The following ENAH variants were observed in gnomAD, a reference collection of about 807,000 sequenced individuals.
ENAH encodes the protein ENAH actin regulator.
A neutral mutation model predicts 78.7 loss-of-function variants in ENAH; 23 were observed. That is an observed-to-expected ratio of 0.29 (90% CI 0.21 to 0.41). The LOEUF (loss-of-function observed/expected upper bound fraction) is 0.41. Ranked by LOEUF, ENAH falls within the 10% of genes least tolerant of loss-of-function variation. ENAH has a pLI of 1.00. For synonymous variants in ENAH, 226 were observed against 241.0 expected, an observed-to-expected ratio of 0.94 and a Z score of 0.58; for missense variants, 544 against 691.0, an observed-to-expected ratio of 0.79 and a Z score of 2.39.
chr1:225,609,653 T>C (rs951023856), intron 1 of ENAH, among the ~76,000 whole-genome samples: 10 of 135,384 alleles, frequency 7.4e-5, no homozygotes, highest in Admixed American at 2.3e-4. Flanking sequence ...AAGGGAAAAA[T>C]GGATTTTTTT....
intron 4 of ENAH, among the ~76,000 whole-genome samples, chr1:225,520,294 CAAA>C (rs534721683): frequency 2.0e-5 from 2 of 99,272 alleles, no homozygotes. Flanking sequence ...GACTCCACCT[CAAA>C]AAAAAAAAAA....
At chr1:225,548,579 T>C (rs1430400712) in intron 3 of ENAH, among the ~76,000 whole-genome samples, 1 of 152,228 alleles carries the variant, frequency 6.6e-6, no homozygotes, top group Admixed American at 6.5e-5. Flanking sequence ...TAAAAATAAA[T>C]GGCCTGAAGG....
intron 1 of ENAH, among the ~76,000 whole-genome samples, chr1:225,641,499 T>TA (rs956911959): frequency 6.2e-5 from 9 of 145,220 alleles, no homozygotes; most frequent in South Asian, 2.2e-4. Flanking sequence ...AGTTTTTAAT[T>TA]AAAAAAAACC....
intron 1 of ENAH, among the ~76,000 whole-genome samples, chr1:225,638,087 GAATT>G (rs1364255123): frequency 6.6e-6 from 1 of 152,140 alleles, no homozygotes; most frequent in Non-Finnish European, 1.5e-5. Flanking sequence ...ACAAGGCAAT[GAATT>G]ATTAATCCCA....
chr1:225,556,998 T>A (rs1323337592), intron 2 of ENAH, among the ~76,000 whole-genome samples: 1 of 152,204 alleles, frequency 6.6e-6, no homozygotes, highest in Non-Finnish European at 1.5e-5. Flanking sequence ...TACAGATCAA[T>A]ATGCCTTTTT....
chr1:225,581,463 C>G (rs1184626246), intron 1 of ENAH, among the ~76,000 whole-genome samples: 2 of 152,072 alleles, frequency 1.3e-5, no homozygotes, highest in Admixed American at 1.3e-4. Context: ...GTGAGCCACA[C>G]TGACTTCTTA....
chr1:225,502,029 T>C (rs143152797), intron 11 of ENAH, among the ~76,000 whole-genome samples: 52 of 152,244 alleles, frequency 3.4e-4, no homozygotes, highest in African/African-American at 1.3e-3. Context: ...TTTAAAACCA[T>C]CAGGCAAATC....
chr1:225,565,330 G>A (rs2096729126), intron 2 of ENAH, among the ~76,000 whole-genome samples: 1 of 152,018 alleles, frequency 6.6e-6, no homozygotes, highest in East Asian at 1.9e-4. Context: ...AGCTACTCTG[G>A]AGGCTGAGGC....
intron 1 of ENAH, among the ~76,000 whole-genome samples, chr1:225,628,481 G>A (rs1658351064): frequency 6.6e-6 from 1 of 152,088 alleles, no homozygotes; most frequent in Non-Finnish European, 1.5e-5. Context: ...AGTGAAATAT[G>A]CAACTAATAA....
In ENAH at chr1:225,549,717, T is replaced by C. The variant is rs574906220; in HGVS notation, c.349+5189A>G. ...TGACCAATAAATAGATCATTATTCC[T>C]GCCTCAGAATGGCTTTAATTTCTAT... On this transcript the variant is annotated intron_variant, in intron 3 of 13. Coordinates refer to ENST00000366843, the MANE Select transcript of ENAH (RefSeq NM_018212.6). Among the ~76,000 whole-genome samples the C allele has an allele frequency of 3.9e-5, 6 of 152,364 alleles. No homozygotes were observed. In the East Asian group the frequency reaches 1.2e-3, roughly 29 times the overall value.
At chr1:225,584,111 C>G (rs1039226883) in intron 1 of ENAH, among the ~76,000 whole-genome samples, 7 of 152,138 alleles carry the variant, frequency 4.6e-5, no homozygotes, top group South Asian at 2.1e-4. Context: ...CAAGATTGTG[C>G]CACTGCACAC....
chr1:225,491,680 G>T lies in ENAH; in HGVS notation c.*6095C>A, dbSNP rs142805503. 1 of 152,068 alleles carries T rather than the reference G, an allele frequency of 6.6e-6. No individual in the cohort carries two copies. The highest frequency in any genetic ancestry group is 1.9e-4 in the East Asian group (1 of 5,186). The allele number at this position is 152,068 out of a possible 1,614,324, so 9.4% of individuals were successfully genotyped here. A position where few individuals can be genotyped will look rare whatever the true frequency, so the allele number is the denominator to read the frequency against. The stretch of plus-strand genomic sequence containing the variant: ...TCTATAGACTTGGATGGAAACTTTT[G>T]GACTTGATGGGAAAATTAACTCTCA... On this transcript the variant is annotated 3_prime_UTR_variant, in exon 14 of 14. Transcript: ENST00000366843.
intron 1 of ENAH, among the ~76,000 whole-genome samples, chr1:225,623,808 C>G (rs1353430145): frequency 1.3e-5 from 2 of 152,138 alleles, no homozygotes; most frequent in Non-Finnish European, 2.9e-5. Context: ...CCAGGATGGT[C>G]TCGCTCTCCT....
chr1:225,504,007 C>CTT (rs565782427), intron 11 of ENAH, among the ~76,000 whole-genome samples: 33 of 142,718 alleles, frequency 2.3e-4, no homozygotes, highest in Admixed American at 2.8e-4. Context: ...TTTTATTTCA[C>CTT]TTTTTTTTTT....
chr1:225,610,018 A>G (rs2096979739), intron 1 of ENAH, among the ~76,000 whole-genome samples: 1 of 152,108 alleles, frequency 6.6e-6, no homozygotes, highest in Non-Finnish European at 1.5e-5. Context: ...ATTAATATGT[A>G]CATGTATACC....
chr1:225,549,718 G>A (rs2096632648), intron 3 of ENAH, among the ~76,000 whole-genome samples: 2 of 152,160 alleles, frequency 1.3e-5, no homozygotes, highest in Admixed American at 1.3e-4. Flanking sequence ...CATTATTCCT[G>A]CCTCAGAATG....
chr1:225,576,180 G>A (rs1054864671), intron 1 of ENAH, among the ~76,000 whole-genome samples: 4 of 151,790 alleles, frequency 2.6e-5, no homozygotes, highest in African/African-American at 9.7e-5. Context: ...GGGAGGCTGA[G>A]GTGGGAGGAT....
intron 2 of ENAH, among the ~76,000 whole-genome samples, chr1:225,566,043 T>C (rs2096733347): frequency 6.6e-6 from 1 of 152,144 alleles, no homozygotes; most frequent in South Asian, 2.1e-4. Flanking sequence ...CATTTGTTTT[T>C]ACCACGTGCC....
chr1:225,549,403 C>T (rs1418762269), intron 3 of ENAH, among the ~76,000 whole-genome samples: 1 of 152,060 alleles, frequency 6.6e-6, no homozygotes, highest in Non-Finnish European at 1.5e-5. Context: ...CCATCTTTAC[C>T]GGGGGCCCAA....
Sources: allele counts gnomAD v4.1 joint callset (sites outside exome capture counted in the v4.1 genomes callset), GRCh38; gene constraint gnomAD v4.1.1; transcripts MANE v1.5; gene names NCBI Gene and HGNC (gene_info 2026-07-23, HGNC 2026-07-21).